The following ZNF28 variants were observed in gnomAD, a reference collection of about 807,000 sequenced individuals.
ZNF28 encodes the protein zinc finger protein 28.
A neutral mutation model predicts 7.2 loss-of-function variants in ZNF28; 5 were observed. The observed-to-expected ratio is 0.70, with a 90% confidence interval of 0.36 to 1.46. The LOEUF (loss-of-function observed/expected upper bound fraction) is 1.46, where lower values mean the gene tolerates loss of function less well. Ranked by LOEUF, ZNF28 falls within the 40% of genes most tolerant of loss-of-function variation. ZNF28 has a pLI of 0.03. For synonymous variants in ZNF28, 288 were observed against 292.4 expected, an observed-to-expected ratio of 0.99 and a Z score of 0.15; for missense variants, 879 against 866.6, an observed-to-expected ratio of 1.01 and a Z score of -0.18.
chr19:52,802,761 C>CT lies in ZNF28; in HGVS notation c.143-1060dup, dbSNP rs11347464. Among the ~76,000 whole-genome samples, 873 of 127,556 alleles carry CT rather than the reference C, an allele frequency of 6.8e-3. 5 individuals are homozygous for CT. Among genetic ancestry groups the CT allele is most frequent in the Middle Eastern group, 0.012 (3 of 242 alleles). 83.7% of individuals were successfully genotyped at this position (127,556 alleles called of 152,430 possible). A position where few individuals can be genotyped will look rare whatever the true frequency, so the allele number is the denominator to read the frequency against. On this transcript the variant is annotated intron_variant, in intron 3 of 3. Coordinates refer to ENST00000457749, the MANE Select transcript of ZNF28 (RefSeq NM_006969.5). ...TCCATGTGGAACAGGCACGTTGTGA[C>CT]TTTTTTTTTTTTTTTTTGCGACGAA...
At position 52,798,776 on chromosome 19, in the gene ZNF28, C is replaced by A; in HGVS notation, c.*912G>T. 1.5e-6 allele frequency: 1 copy of A among 682,536 alleles called. No individual in the cohort carries two copies. Among genetic ancestry groups the A allele is most frequent in the South Asian group, 1.4e-5 (1 of 70,740 alleles). 42.3% of individuals were successfully genotyped at this position (682,536 alleles called of 1,614,324 possible). On this transcript the variant is annotated 3_prime_UTR_variant, in exon 4 of 4. Coordinates refer to ENST00000457749, the MANE Select transcript of ZNF28 (RefSeq NM_006969.5). ...GTCACATTTATTACACTTGTAAGAT[C>A]TCTCATTATGGATTCTCCAATGATT...
intron 1 of ZNF28, among the ~76,000 whole-genome samples, chr19:52,820,677 C>A (rs1240717148): frequency 3.3e-5 from 5 of 152,142 alleles, no homozygotes; most frequent in Non-Finnish European, 7.3e-5. Context: ...CTCTGATGAG[C>A]CTCCACATTT....
Position 52,801,042 on chromosome 19 carries a change from T to C in ZNF28, c.803A>G (p.Glu268Gly). 7 of 1,614,196 alleles carry C rather than the reference T, an allele frequency of 4.3e-6. No individual in the cohort carries two copies. Among genetic ancestry groups the C allele is most frequent in the Non-Finnish European group, 5.9e-6 (7 of 1,180,028 alleles). ...LACHRRSHID[E>G]KPYKCNECGK... Reference sequence around the variant, plus strand: ...ACACTCATTACACTTGTAAGGTTTCTCATCAATGTGAGATCTACGATGGCA... The same window carrying C: ...ACACTCATTACACTTGTAAGGTTTCCCATCAATGTGAGATCTACGATGGCA... The change falls in exon 4 of 4, where the codon GAG becomes GGG. Residue 268 changes from glutamate (E) to glycine (G), a missense_variant. Transcript: ENST00000457749.
At chr19:52,819,087 A>C (rs1250431190) in intron 1 of ZNF28, among the ~76,000 whole-genome samples, 2 of 139,984 alleles carry the variant, frequency 1.4e-5, no homozygotes, top group African/African-American at 2.8e-5. Flanking sequence ...CAGGGACAAC[A>C]ACCTGAGACA....
At position 52,816,586 on chromosome 19, in the gene ZNF28, C is replaced by G. The variant is rs1157049122; in HGVS notation, c.15+1358G>C. ...GGCTGAGGCAGGAGAATGGCATGAA[C>G]CCAGGAGGCAGAGCTTGCAGTGAGC... On this transcript the variant is annotated intron_variant, in intron 2 of 3. Transcript: ENST00000457749. Among the ~76,000 whole-genome samples, 2 of 145,026 alleles carry G rather than the reference C, an allele frequency of 1.4e-5. 1 individual carries two copies. The highest frequency in any genetic ancestry group is 5.4e-5 in the African/African-American group (2 of 36,888).
intron 2 of ZNF28, among the ~76,000 whole-genome samples, chr19:52,809,658 T>G (rs747831686): frequency 1.3e-5 from 2 of 151,964 alleles, no homozygotes; most frequent in Non-Finnish European, 2.9e-5. Flanking sequence ...ATACAAAAAA[T>G]AGCCAGACGT....
rs2063108233 is a variant in ZNF28, at chr19:52,815,273, TG to T, written c.15+2670del. Among the ~76,000 whole-genome samples the T allele has an allele frequency of 2.1e-5, 3 of 145,408 alleles. No individual in the cohort carries two copies. The South Asian group carries it at 7.0e-4, about 34-fold the overall frequency. ...GCTCACACCTGTAATCTCAGCACTT[TG>T]GGAGGCTGAGGCTGCTGGATCACCT... is the stretch of plus-strand genomic sequence containing the variant. On this transcript the variant is annotated intron_variant, in intron 2 of 3. Transcript: ENST00000457749.
At position 52,808,094 on chromosome 19, in the gene ZNF28, G is replaced by A. The variant is rs556977254; in HGVS notation, c.55C>T (p.Gln19Ter). Residue 19 changes from glutamine to a stop codon, truncating the protein, a stop_gained, in exon 3 of 4, where the codon CAG (glutamine) becomes TAG (stop). Transcript: ENST00000457749. LOFTEE classifies it high-confidence loss of function. ...GGGTCCAGGCATTTCCACTCCTCCT[G>A]AGAGAATTCTATGGCCACGTCCCTG... is the stretch of plus-strand genomic sequence containing the variant. ...TFRDVAIEFS[Q>*]EEWKCLDPAQ... 2.8e-4 allele frequency: 452 copies of A among 1,613,412 alleles called. 1 individual carries two copies. The highest frequency in any genetic ancestry group is 2.7e-3 in the East Asian group (122 of 44,856).
chr19:52,804,150 A>G (rs540627076), intron 3 of ZNF28, among the ~76,000 whole-genome samples: 33 of 152,266 alleles, frequency 2.2e-4, no homozygotes, highest in African/African-American at 7.2e-4. Flanking sequence ...CTGTATTAGG[A>G]CACAGCAGGA....
chr19:52,808,849 A>C (rs901465804), intron 2 of ZNF28, among the ~76,000 whole-genome samples: 2 of 152,074 alleles, frequency 1.3e-5, no homozygotes, highest in African/African-American at 4.8e-5. Context: ...AAATTACTCA[A>C]AGTACAAAAA....
intron 3 of ZNF28, among the ~76,000 whole-genome samples, chr19:52,803,721 C>T (rs2062902132): frequency 6.6e-6 from 1 of 152,118 alleles, no homozygotes; most frequent in Admixed American, 6.5e-5. Context: ...AATCCCAGCA[C>T]TTTGGTAGGC....
rs555299498 is a variant in ZNF28 at position 52,814,262 on chromosome 19, C to G, written c.15+3682G>C. 3.4e-5 allele frequency: 5 copies of G among 145,658 alleles called. 1 individual carries two copies. Among genetic ancestry groups the G allele is most frequent in the African/African-American group, 1.3e-4 (5 of 37,190 alleles). 9.0% of individuals were successfully genotyped at this position (145,658 alleles called of 1,614,324 possible). On this transcript the variant is annotated intron_variant, in intron 2 of 3. Transcript: ENST00000457749. ...GTTACCACCAAACAAATATACACAT[C>G]GTGTGATGTTTAAATATAACCATAT...
chr19:52,803,432 C>T (rs1417343047), intron 3 of ZNF28, among the ~76,000 whole-genome samples: 1 of 151,946 alleles, frequency 6.6e-6, no homozygotes. Context: ...TACCACATAC[C>T]GAAAACTCAC....
rs148014795 is a variant in ZNF28 at position 52,801,343 on chromosome 19, T to G, written c.502A>C (p.Ile168Leu). ...GTTGAAACTGAGGAAGCATTGTTGA[T>G]AGACTTCTCAACTTGATTACCAATT... ...GKIGNQVEKS[I>L]NNASSVSTSQ... The change falls in exon 4 of 4, where the codon ATC becomes CTC. Residue 168 changes from isoleucine to leucine, a missense_variant. This residue lies in a region of ZNF28 where 864 missense variants were observed against 830.2 expected (regional missense o/e 1.04). Coordinates refer to ENST00000457749, the MANE Select transcript of ZNF28 (RefSeq NM_006969.5). 6.2e-7 allele frequency: 1 copy of G among 1,614,194 alleles called. No homozygotes were observed. The highest frequency in any genetic ancestry group is 1.1e-5 in the South Asian group (1 of 91,084).
chr19:52,804,407 G>A (rs1193837964), intron 3 of ZNF28, among the ~76,000 whole-genome samples: 4 of 152,260 alleles, frequency 2.6e-5, no homozygotes, highest in African/African-American at 9.6e-5. Context: ...GTCTTACTCT[G>A]TCTCCCGGTC....
At chr19:52,813,249 G>GGAAA (rs1229458898) in intron 2 of ZNF28, among the ~76,000 whole-genome samples, 5 of 62,982 alleles carry the variant, frequency 7.9e-5, no homozygotes, top group Non-Finnish European at 1.4e-4. Context: ...CTTGAATGGT[G>GGAAA]AAAAAAAAAA....
At chr19:52,804,196 C>T (rs1422057829) in intron 3 of ZNF28, among the ~76,000 whole-genome samples, 1 of 152,204 alleles carries the variant, frequency 6.6e-6, no homozygotes, top group Non-Finnish European at 1.5e-5. Context: ...AGGCTGTCAC[C>T]AGGAACCAAT....
intron 2 of ZNF28, chr19:52,810,673 C>T (rs1568655275): frequency 7.6e-6 from 7 of 917,430 alleles, no homozygotes; most frequent in Admixed American, 1.7e-5. Flanking sequence ...CTACAGGGGC[C>T]GGGCTAGAGC....
chr19:52,808,076 G>A lies in ZNF28; in HGVS notation c.73C>T (p.Leu25=), dbSNP rs192822409. The change falls in exon 3 of 4, where the codon CTG becomes TTG. Residue 25 remains leucine, a synonymous_variant. Coordinates refer to ENST00000457749, the MANE Select transcript of ZNF28 (RefSeq NM_006969.5). ...IEFSQEEWKC[L]DPAQRTLYRD... ...TAAAGAGTCCTCTGAGCAGGGTCCA[G>A]GCATTTCCACTCCTCCTGAGAGAAT... 6.2e-7 allele frequency: 1 copy of A among 1,613,512 alleles called. No individual in the cohort carries two copies. Among genetic ancestry groups the A allele is most frequent in the Non-Finnish European group, 8.5e-7 (1 of 1,179,566 alleles).
Sources: allele counts gnomAD v4.1 joint callset (sites outside exome capture counted in the v4.1 genomes callset), GRCh38; gene constraint gnomAD v4.1.1; regional missense constraint gnomAD v4.1.1; transcripts MANE v1.5; gene names NCBI Gene and HGNC (gene_info 2026-07-23, HGNC 2026-07-21).